Variants in PLK5 observed in about 807,000 individuals in gnomAD.
The protein encoded by PLK5 is polo like kinase 5 (inactive).
Under a neutral mutation model 33.7 loss-of-function variants are expected in PLK5, and 28 were observed. The ratio of observed to expected loss-of-function variants is 0.83; its 90% CI spans 0.62 to 1.14. The LOEUF is 1.14. Ranked by LOEUF, PLK5 falls within the 50% of genes most tolerant of loss-of-function variation. The pLI, the probability that PLK5 is intolerant of heterozygous loss-of-function variation, is 0.00. For synonymous variants in PLK5, 225 were observed against 202.2 expected, an observed-to-expected ratio of 1.11 and a Z score of -0.96; for missense variants, 492 against 461.5, an observed-to-expected ratio of 1.07 and a Z score of -0.61.
At chr19:1,529,571 T>A (rs1215647601) in intron 10 of PLK5, 81 bp downstream of exon 10, 27 of 1,459,308 alleles carry the variant, frequency 1.9e-5, no homozygotes, top group Non-Finnish European at 2.5e-5. Context: ...AGGCCGTGGC[T>A]TACCAGGGTC....
Position 1,528,381 on chromosome 19 carries a change from T to C in PLK5, c.281T>C (p.Ile94Thr). The change falls in exon 8 of 14, where the codon ATC becomes ACC. Residue 94 changes from isoleucine to threonine, a missense_variant. Physicochemically the swap from Ile to Thr is moderately conservative, Grantham distance 89. Coordinates refer to ENST00000454744, the MANE Select transcript of PLK5 (RefSeq NM_001243079.2). The part of the protein sequence containing the change: ...IFAIPPPLGR[I>T]FRKVGQRLLT... ...GCCATACCCCCGCCTCTGGGCAGGA[T>C]CTTCCGGAAGGTGGGCCAGCGGCTG... The C allele has an allele frequency of 6.5e-7, 1 of 1,534,418 alleles. No individual in the cohort carries two copies. Among genetic ancestry groups the C allele is most frequent in the Non-Finnish European group, 8.7e-7 (1 of 1,146,486 alleles).
chr19:1,534,620 A>G (rs1455876936), intron 13 of PLK5, among the ~76,000 whole-genome samples: 1 of 148,624 alleles, frequency 6.7e-6, no homozygotes, highest in Non-Finnish European at 1.5e-5. Flanking sequence ...CCTGCCTAAC[A>G]CGGTGAAACC....
chr19:1,532,509 C>T (rs1293798721), intron 12 of PLK5, among the ~76,000 whole-genome samples: 1 of 145,534 alleles, frequency 6.9e-6, no homozygotes, highest in African/African-American at 2.6e-5. Context: ...CCTTTCTCTA[C>T]AAAATTTTCT....
intron 13 of PLK5, among the ~76,000 whole-genome samples, chr19:1,534,722 C>G (rs1914041746): frequency 6.6e-6 from 1 of 150,490 alleles, no homozygotes; most frequent in African/African-American, 2.5e-5. Context: ...GAGGCTGAGG[C>G]AGGAGAATGG....
At chr19:1,525,244 G>A (rs12974769) in intron 1 of PLK5, 61 bp from the exon 2 acceptor site, 39,655 of 152,746 alleles carry the variant, frequency 0.26, 5,501 homozygotes, top group Middle Eastern at 0.41. Flanking sequence ...GCCTCTGTAC[G>A]CGCTGCCAGC....
intron 12 of PLK5, among the ~76,000 whole-genome samples, chr19:1,532,415 G>A (rs972332774): frequency 2.0e-4 from 30 of 151,804 alleles, no homozygotes; most frequent in African/African-American, 4.1e-4. Context: ...GGTGCACACC[G>A]GTAATCCTGG....
rs992703232 is a variant in PLK5, at chr19:1,529,632, C to G, written c.491-115C>G. ...TCCCGCCTGTCAAATGGGAATGCCG[C>G]CTCTGGGTTGAGGATGAGATGTTCC... is the stretch of plus-strand genomic sequence containing the variant. On this transcript the variant is annotated intron_variant, in intron 10 of 13. Transcript: ENST00000454744. The G allele has an allele frequency of 4.3e-6, 6 of 1,408,582 alleles. No individual in the cohort carries two copies. In the Admixed American group the frequency reaches 1.2e-4, roughly 28 times the overall value. The allele number at this position is 1,408,582 out of a possible 1,614,324, so 87.3% of individuals were successfully genotyped here.
Position 1,526,945 on chromosome 19 carries a change from C to G in PLK5, c.-52C>G, listed in dbSNP as rs1350337123. The G allele has an allele frequency of 1.3e-6, 2 of 1,534,890 alleles. No homozygotes were observed. Among genetic ancestry groups the G allele is most frequent in the Non-Finnish European group, 1.7e-6 (2 of 1,146,128 alleles). ...CTAACTTCCTGGACCCTGAGGTTGTCTCCAGAAACGGTCACTCCTGCCAGT... is the reference window on the plus strand; with the variant it reads ...CTAACTTCCTGGACCCTGAGGTTGTGTCCAGAAACGGTCACTCCTGCCAGT... On this transcript the variant is annotated 5_prime_UTR_variant, in exon 6 of 14. Coordinates refer to ENST00000454744, the MANE Select transcript of PLK5 (RefSeq NM_001243079.2).
intron 4 of PLK5, 36 bp downstream of exon 4, chr19:1,526,651 T>A: frequency 2.8e-6 from 1 of 357,038 alleles, no homozygotes; most frequent in East Asian, 7.0e-5. Flanking sequence ...GGCGGGGGCG[T>A]CGGGAGGTGG....
At position 1,528,330 on chromosome 19, in the gene PLK5, A is replaced by G; in HGVS notation, c.230A>G (p.His77Arg). The change falls in exon 8 of 14, where the codon CAC becomes CGC. Residue 77 changes from histidine (H) to arginine (R), a missense_variant. His to Arg is a conservative substitution (Grantham distance 29, BLOSUM62 0). Coordinates refer to ENST00000454744, the MANE Select transcript of PLK5 (RefSeq NM_001243079.2). ...TTCACTCCAGACCGGCTGCCGGCCCACTCCTGCCACAGTCCCCCCATCTTC... is the reference window on the plus strand; with the variant it reads ...TTCACTCCAGACCGGCTGCCGGCCCGCTCCTGCCACAGTCCCCCCATCTTC... ...QGFTPDRLPA[H>R]SCHSPPIFAI... The G allele has an allele frequency of 6.5e-7, 1 of 1,534,738 alleles. No individual in the cohort carries two copies. The highest frequency in any genetic ancestry group is 8.7e-7 in the Non-Finnish European group (1 of 1,146,450).
chr19:1,533,571 A>C (rs1913995091), intron 12 of PLK5: 1 of 472,756 alleles, frequency 2.1e-6, no homozygotes. Context: ...AGGTGAAGAG[A>C]GGACAGAGAG....
rs1306236441 is a variant in PLK5 at position 1,524,543 on chromosome 19, C to G, written c.-544+297C>G. On this transcript the variant is annotated intron_variant, in intron 1 of 13. Transcript: ENST00000454744. The surrounding 1 kb of genome is among the most constrained non-coding windows in gnomAD (Gnocchi z 4.5). ...GTGTGTGTGCGAGCCTGGCGAGGGT[C>G]TGAGTGTGCCGCGTCTGTGCCCGCT... 6.6e-6 allele frequency among the ~76,000 whole-genome samples: 1 copy of G among 151,910 alleles called. No homozygotes were observed. Among genetic ancestry groups the G allele is most frequent in the Non-Finnish European group, 1.5e-5 (1 of 67,974 alleles).
At chr19:1,529,048 C>G (rs1340935953) in intron 9 of PLK5, 74 bp downstream of exon 9, 6 of 1,323,764 alleles carry the variant, frequency 4.5e-6, no homozygotes, top group Non-Finnish European at 6.0e-6. Flanking sequence ...ACCCCCTCCC[C>G]CATGCCGGCT....
At chr19:1,525,278 C>CA (rs1362363248) in intron 1 of PLK5, 27 bp from the exon 2 acceptor site, 2 of 152,894 alleles carry the variant, frequency 1.3e-5, no homozygotes, top group East Asian at 3.8e-4. Flanking sequence ...CACACCTGCC[C>CA]ACTGATCTGC....
At chr19:1,527,417 G>A (rs1209049287) in intron 6 of PLK5, among the ~76,000 whole-genome samples, 1 of 151,994 alleles carries the variant, frequency 6.6e-6, no homozygotes, top group East Asian at 1.9e-4. Context: ...GCCTGGCCAA[G>A]TTGGTGAAAC....
chr19:1,533,869 TG>T (rs1466469740), intron 12 of PLK5, 61 bp from the exon 13 acceptor site: 1 of 745,900 alleles, frequency 1.3e-6, no homozygotes, highest in African/African-American at 5.8e-5. Context: ...GGGTGCTGGG[TG>T]TGGGGGCGAG....
intron 13 of PLK5, among the ~76,000 whole-genome samples, chr19:1,534,844 G>C (rs1914048205): frequency 6.6e-6 from 1 of 151,654 alleles, no homozygotes; most frequent in Non-Finnish European, 1.5e-5. Context: ...GGGTCTTGCT[G>C]GAAGACTGTG....
At chr19:1,529,063 T>C in intron 9 of PLK5, 89 bp downstream of exon 9, 1 of 1,206,812 alleles carries the variant, frequency 8.3e-7, no homozygotes, top group South Asian at 1.6e-5. Context: ...CCGGCTTCTC[T>C]GAACCCCTTC....
In PLK5 at chr19:1,530,604, A is replaced by ATTTTTT. The variant is rs759461067; in HGVS notation, c.568+808_568+813dup. ...GTCGTCAGCCACCACGCCTGGGCGC[A>ATTTTTT]TTTTTTTTTTTTTTTTTTTTTTTTT... On this transcript the variant is annotated intron_variant, in intron 11 of 13. Transcript: ENST00000454744. Among the ~76,000 whole-genome samples the ATTTTTT allele has an allele frequency of 1.9e-4, 7 of 36,550 alleles. 1 individual carries two copies. The highest frequency in any genetic ancestry group is 1.0e-3 in the Admixed American group (2 of 1,922). 24.0% of individuals were successfully genotyped at this position (36,550 alleles called of 152,430 possible).
Sources: allele counts gnomAD v4.1 joint callset (sites outside exome capture counted in the v4.1 genomes callset), GRCh38; gene constraint gnomAD v4.1.1; non-coding constraint Gnocchi (gnomAD v3.1); transcripts MANE v1.5; gene names NCBI Gene and HGNC (gene_info 2026-07-23, HGNC 2026-07-21).